PPIH: variants seen among roughly 807,000 people sequenced by gnomAD.
PPIH encodes the protein peptidylprolyl isomerase H.
Under a neutral mutation model 27.6 loss-of-function variants are expected in PPIH, and 16 were observed. That is an observed-to-expected ratio of 0.58 (90% CI 0.39 to 0.88). The LOEUF (loss-of-function observed/expected upper bound fraction) is 0.88. Among genes scored for constraint, PPIH ranks in the 40% least tolerant of loss-of-function variants. The pLI is 0.00. For missense variants in PPIH, 155 were observed against 224.1 expected (o/e 0.69, Z 1.97); for synonymous variants, 63 against 76.1 (o/e 0.83, Z 0.90).
intron 1 of PPIH, 101 bp from the exon 2 acceptor site, chr1:42,658,743 T>TA: frequency 2.2e-6 from 3 of 1,375,234 alleles, no homozygotes; most frequent in Non-Finnish European, 3.1e-6. Context: ...AGGTGGGAGA[T>TA]ACCGAGCGGC....
At chr1:42,673,599 T>G (rs1365073312) in intron 9 of PPIH, among the ~76,000 whole-genome samples, 1 of 152,216 alleles carries the variant, frequency 6.6e-6, no homozygotes, top group Admixed American at 6.5e-5. Flanking sequence ...CTAGATCCCT[T>G]CCCTGGAGTA....
chr1:42,671,711 C>A, intron 9 of PPIH, among the ~76,000 whole-genome samples: 1 of 152,128 alleles, frequency 6.6e-6, no homozygotes, highest in East Asian at 1.9e-4. Flanking sequence ...GTTAGGAAAT[C>A]TGGGTGGCAG....
downstream of PPIH, chr1:42,681,254 T>G (rs1468595535): frequency 6.6e-6 from 1 of 152,226 alleles, no homozygotes; most frequent in Non-Finnish European, 1.5e-5. Context: ...AATGTCACAT[T>G]CGAGTCTTAC....
At chr1:42,674,811 G>A (rs1649805042) in intron 9 of PPIH, among the ~76,000 whole-genome samples, 1 of 152,300 alleles carries the variant, frequency 6.6e-6, no homozygotes, top group South Asian at 2.1e-4. Flanking sequence ...TGCCTGCTGG[G>A]CATGTGACAC....
chr1:42,673,571 C>T (rs887467475), intron 9 of PPIH, among the ~76,000 whole-genome samples: 3 of 152,172 alleles, frequency 2.0e-5, no homozygotes, highest in South Asian at 4.1e-4. Context: ...TTGGGGCACT[C>T]GTTAAACCTA....
intron 9 of PPIH, among the ~76,000 whole-genome samples, chr1:42,670,795 A>C (rs1649589145): frequency 6.6e-6 from 1 of 151,858 alleles, no homozygotes; most frequent in Non-Finnish European, 1.5e-5. Flanking sequence ...TTTATTTTTT[A>C]TTTATTTTTT....
intron 2 of PPIH, 82 bp from the exon 3 acceptor site, chr1:42,659,146 G>A (rs917656155): frequency 1.3e-5 from 20 of 1,589,392 alleles, no homozygotes; most frequent in South Asian, 1.3e-4. Context: ...GCTGGCTCCA[G>A]TGTTTATTCT....
intron 5 of PPIH, among the ~76,000 whole-genome samples, chr1:42,662,210 G>A (rs1335396441): frequency 6.6e-5 from 10 of 151,924 alleles, no homozygotes; most frequent in African/African-American, 1.2e-4. Context: ...ATCACTTGTC[G>A]ATAACTCTGG....
rs1369137773 is a variant in PPIH at position 42,663,435 on chromosome 1, C to T, written c.244-1428C>T. 4.0e-5 allele frequency among the ~76,000 whole-genome samples: 6 copies of T among 151,824 alleles called. No homozygotes were observed. In the South Asian group the frequency reaches 8.3e-4, roughly 21 times the overall value. ...TTTTTTAGATGGAGTCTCGCTCTGTCGCCCAGGCTGGGGTGCAGTGGTGCG... is the reference window on the plus strand; with the variant it reads ...TTTTTTAGATGGAGTCTCGCTCTGTTGCCCAGGCTGGGGTGCAGTGGTGCG... On this transcript the variant is annotated intron_variant, in intron 5 of 9. Transcript: ENST00000304979.
Position 42,666,665 on chromosome 1 carries a change from AG to A in PPIH, c.465+83del, listed in dbSNP as rs1649358413. ...CTGACTAGCGTGCAGGAGCTAGAGA[AG>A]GGGGAATGAGCTCCAGTTTGTTAGG... On this transcript the variant is annotated intron_variant, in intron 8 of 9. Transcript: ENST00000304979. 4 of 1,408,170 alleles carry A rather than the reference AG, an allele frequency of 2.8e-6. No individual in the cohort carries two copies. In the Admixed American group the frequency reaches 5.1e-5, roughly 18 times the overall value. 87.2% of individuals were successfully genotyped at this position (1,408,170 alleles called of 1,614,324 possible).
intron 9 of PPIH, 148 bp downstream of exon 9, chr1:42,667,588 C>T: frequency 1.6e-6 from 1 of 613,284 alleles, no homozygotes. Flanking sequence ...CTTCTCTGAG[C>T]ACATTTCCTC....
chr1:42,668,178 C>A (rs148141822), intron 9 of PPIH, among the ~76,000 whole-genome samples: 1 of 149,222 alleles, frequency 6.7e-6, no homozygotes, highest in African/African-American at 2.5e-5. Context: ...TTTTGTTTTT[C>A]TTTTTTTTTT....
chr1:42,680,163 T>G (rs1649983106), downstream of PPIH, among the ~76,000 whole-genome samples: 1 of 152,146 alleles, frequency 6.6e-6, no homozygotes, highest in South Asian at 2.1e-4. Flanking sequence ...AAGAGTGTTG[T>G]ATGTAGAATT....
At chr1:42,662,159 G>A (rs1401685070) in intron 5 of PPIH, among the ~76,000 whole-genome samples, 2 of 152,128 alleles carry the variant, frequency 1.3e-5, no homozygotes, top group Non-Finnish European at 2.9e-5. Context: ...CTTACAAGGA[G>A]AGGAATAGCT....
At chr1:42,670,919 C>T (rs750866221) in intron 9 of PPIH, among the ~76,000 whole-genome samples, 2 of 152,192 alleles carry the variant, frequency 1.3e-5, no homozygotes, top group African/African-American at 2.4e-5. Flanking sequence ...CCTCAGCCTC[C>T]TGAGTAGCTG....
At chr1:42,659,374 A>G in intron 3 of PPIH, 123 bp downstream of exon 3, 1 of 1,614,162 alleles carries the variant, frequency 6.2e-7, no homozygotes, top group Non-Finnish European at 8.5e-7. Context: ...ATAGAAGGTA[A>G]TGCCCCAAGG....
chr1:42,659,714 A>G (rs1648897415), intron 4 of PPIH, 148 bp downstream of exon 4: 15 of 1,275,128 alleles, frequency 1.2e-5, no homozygotes, highest in African/African-American at 3.0e-5. Context: ...GATTTATTAA[A>G]TGTTCTAACT....
At chr1:42,677,574 T>G (rs1000822416), downstream of PPIH, among the ~76,000 whole-genome samples, 9 of 152,222 alleles carry the variant, frequency 5.9e-5, no homozygotes, top group Admixed American at 5.9e-4. Context: ...CTCAGAAGCC[T>G]GAGGTGGGAG....
chr1:42,671,863 A>G (rs1188577351), intron 9 of PPIH, among the ~76,000 whole-genome samples: 2 of 148,424 alleles, frequency 1.3e-5, no homozygotes, highest in East Asian at 3.9e-4. Flanking sequence ...TTTAAGCCCT[A>G]TTGGGCAGTA....
Sources: allele counts gnomAD v4.1 joint callset (sites outside exome capture counted in the v4.1 genomes callset), GRCh38; gene constraint gnomAD v4.1.1; transcripts MANE v1.5; gene names NCBI Gene and HGNC (gene_info 2026-07-23, HGNC 2026-07-21).